Variants in LIN28B observed in about 807,000 individuals in gnomAD.
The protein encoded by LIN28B is lin-28 RNA binding posttranscriptional regulator B.
In LIN28B, 5 loss-of-function variants were observed where a neutral mutation model predicts 21.9. The observed-to-expected ratio is 0.23, with a 90% CI of 0.12 to 0.48. LIN28B has a LOEUF of 0.48. Among genes scored for constraint, LIN28B ranks in the 20% least tolerant of loss-of-function variants. The probability of loss-of-function intolerance (pLI) is 0.98; values close to 1 mark genes in which losing one functional copy is unlikely to be tolerated. For missense variants in LIN28B, 245 were observed against 310.5 expected (o/e 0.79, Z 1.58); for synonymous variants, 109 against 111.3 (o/e 0.98, Z 0.13).
At chr6:104,955,555 G>A (rs1778274754), upstream of LIN28B, among the ~76,000 whole-genome samples, 1 of 152,106 alleles carries the variant, frequency 6.6e-6, no homozygotes, top group African/African-American at 2.4e-5. Context: ...AATATGGGGA[G>A]GGAGTATAAA....
chr6:105,068,187 G>T (rs1055302552), intron 3 of LIN28B, among the ~76,000 whole-genome samples: 8 of 152,144 alleles, frequency 5.3e-5, no homozygotes, highest in African/African-American at 1.9e-4. Context: ...GTCAGGAGAA[G>T]ATATTAAATG....
At chr6:104,955,510 C>T (rs1778274282), upstream of LIN28B, among the ~76,000 whole-genome samples, 1 of 151,986 alleles carries the variant, frequency 6.6e-6, no homozygotes, top group Non-Finnish European at 1.5e-5. Flanking sequence ...ATCCATTTTC[C>T]AATCTGAGCC....
At chr6:104,987,831 A>G (rs1770378531) in intron 2 of LIN28B, among the ~76,000 whole-genome samples, 2 of 151,494 alleles carry the variant, frequency 1.3e-5, no homozygotes, top group Admixed American at 1.3e-4. Context: ...TGCCACCTCC[A>G]CCTCCTGGGT....
intron 3 of LIN28B, among the ~76,000 whole-genome samples, chr6:105,071,451 CAATT>C (rs757387793): frequency 8.6e-5 from 13 of 152,008 alleles, no homozygotes; most frequent in African/African-American, 1.2e-4. Context: ...TTAACAATAA[CAATT>C]AGTTATTGTT....
chr6:104,991,308 C>T (rs906846878), intron 2 of LIN28B, among the ~76,000 whole-genome samples: 10 of 149,948 alleles, frequency 6.7e-5, no homozygotes, highest in East Asian at 4.0e-4. Flanking sequence ...GGGCGGCTGC[C>T]GCGCGGAGGG....
At chr6:104,948,264 C>T (rs950459394) in intron 2 of LIN28B, among the ~76,000 whole-genome samples, 12 of 151,842 alleles carry the variant, frequency 7.9e-5, no homozygotes, top group East Asian at 1.9e-4. Flanking sequence ...GTCAGGAGTT[C>T]GAGGCCAGCC....
chr6:104,992,071 T>G (rs1305620322), intron 2 of LIN28B, among the ~76,000 whole-genome samples: 1 of 124,042 alleles, frequency 8.1e-6, no homozygotes, highest in South Asian at 2.3e-4. Flanking sequence ...TCACATCTTG[T>G]TTTTTTTTTT....
At chr6:105,001,639 A>G (rs1012285990) in intron 2 of LIN28B, among the ~76,000 whole-genome samples, 1 of 152,224 alleles carries the variant, frequency 6.6e-6, no homozygotes, top group Non-Finnish European at 1.5e-5. Flanking sequence ...AATTATTAAC[A>G]AGGTCAGTGA....
rs573129785 is a variant in LIN28B at position 105,050,258 on chromosome 6, T to C, written c.383+23776T>C. Among the ~76,000 whole-genome samples the C allele has an allele frequency of 2.8e-4, 43 of 152,270 alleles. No homozygotes were observed. The South Asian group carries it at 8.5e-3, about 30-fold the overall frequency. ...AAGTATTTTATTTCTCCTTCACTTA[T>C]GAAGCTTAGTTTGGCTGGATATGAA... On this transcript the variant is annotated intron_variant, in intron 3 of 3. Transcript: ENST00000345080.
At chr6:104,989,920 A>AT (rs1562083584) in intron 2 of LIN28B, among the ~76,000 whole-genome samples, 1 of 152,090 alleles carries the variant, frequency 6.6e-6, no homozygotes, top group Non-Finnish European at 1.5e-5. Flanking sequence ...TAGGTTATTG[A>AT]TTTTAAACGC....
intron 3 of LIN28B, among the ~76,000 whole-genome samples, chr6:105,059,480 C>T (rs191290126): frequency 6.6e-6 from 1 of 152,210 alleles, no homozygotes; most frequent in Admixed American, 6.5e-5. Context: ...GTTTCAGACT[C>T]GCTGTGTCTC....
intron 3 of LIN28B, among the ~76,000 whole-genome samples, chr6:105,027,344 G>T: frequency 6.6e-6 from 1 of 152,056 alleles, no homozygotes; most frequent in Non-Finnish European, 1.5e-5. Flanking sequence ...AGTTACATAG[G>T]TTAGAGATGT....
chr6:104,979,249 G>T (rs996194049), intron 2 of LIN28B, among the ~76,000 whole-genome samples: 1 of 146,888 alleles, frequency 6.8e-6, no homozygotes, highest in Non-Finnish European at 1.5e-5. Flanking sequence ...TCACTCTGTC[G>T]CCCAGGCTGG....
chr6:104,989,212 T>G (rs1182894025), intron 2 of LIN28B, among the ~76,000 whole-genome samples: 1 of 152,152 alleles, frequency 6.6e-6, no homozygotes, highest in Non-Finnish European at 1.5e-5. Flanking sequence ...TTCCTGGTGA[T>G]TAATTTGTTC....
intron 3 of LIN28B, among the ~76,000 whole-genome samples, chr6:104,951,832 G>A (rs1187836107): frequency 6.6e-6 from 1 of 152,180 alleles, no homozygotes; most frequent in Non-Finnish European, 1.5e-5. Context: ...ATTAGCCCAA[G>A]GCCACAGATT....
chr6:104,990,896 C>G (rs1268939796), intron 2 of LIN28B, among the ~76,000 whole-genome samples: 1 of 152,236 alleles, frequency 6.6e-6, no homozygotes, highest in Non-Finnish European at 1.5e-5. Flanking sequence ...CATAGATTAA[C>G]AGCATCCCAA....
At chr6:104,975,999 A>T (rs1446410963) in intron 2 of LIN28B, among the ~76,000 whole-genome samples, 1 of 152,078 alleles carries the variant, frequency 6.6e-6, no homozygotes, top group Admixed American at 6.5e-5. Flanking sequence ...CTATGTCCTG[A>T]TGAAGAAAAT....
intron 2 of LIN28B, among the ~76,000 whole-genome samples, chr6:104,968,247 T>C (rs140158537): frequency 2.1e-4 from 32 of 152,336 alleles, no homozygotes; most frequent in African/African-American, 7.0e-4. Context: ...TCCTGTGTTG[T>C]ATTCACTTCC....
chr6:105,072,147 C>T (rs1772344809), intron 3 of LIN28B, among the ~76,000 whole-genome samples: 1 of 151,856 alleles, frequency 6.6e-6, no homozygotes, highest in South Asian at 2.1e-4. Flanking sequence ...ATATTTTAGA[C>T]TTACATATAA....
Sources: gnomAD v4.1 joint callset for allele counts (sites outside exome capture counted in the v4.1 genomes callset) on GRCh38, gnomAD v4.1.1 for gene constraint, MANE v1.5 for transcripts, NCBI Gene and HGNC (gene_info 2026-07-23, HGNC 2026-07-21) for gene names.